NEK10: variants seen among roughly 807,000 people sequenced by gnomAD.
The protein encoded by NEK10 is NIMA related kinase 10.
A neutral mutation model predicts 159.8 loss-of-function variants in NEK10; 122 were observed. The observed-to-expected ratio is 0.76, with a 90% CI of 0.66 to 0.89. The LOEUF is 0.89. Among genes scored for constraint, NEK10 ranks in the 40% least tolerant of loss-of-function variants. NEK10 has a pLI of 0.00. For missense variants in NEK10, 1,342 were observed against 1,323.1 expected, an observed-to-expected ratio of 1.01 and a Z score of -0.22; for synonymous variants, 466 against 457.1, an observed-to-expected ratio of 1.02 and a Z score of -0.25.
intron 22 of NEK10, among the ~76,000 whole-genome samples, chr3:27,256,750 A>C (rs968077603): frequency 1.3e-5 from 2 of 152,204 alleles, no homozygotes; most frequent in Non-Finnish European, 2.9e-5. Context: ...ACTGGCATCA[A>C]CGTGTACTAA....
chr3:27,286,654 T>C (rs1020988661), intron 20 of NEK10, among the ~76,000 whole-genome samples: 1 of 145,768 alleles, frequency 6.9e-6, no homozygotes, highest in African/African-American at 2.6e-5. Context: ...CCTCCCAAAA[T>C]GCTAGGATCA....
intron 5 of NEK10, among the ~76,000 whole-genome samples, chr3:27,336,831 A>G (rs757411060): frequency 5.1e-4 from 77 of 152,206 alleles, no homozygotes; most frequent in Non-Finnish European, 8.4e-4. Flanking sequence ...CAAACTACGC[A>G]TAGAAGGAAC....
chr3:27,244,191 A>G (rs1243460941), intron 23 of NEK10, among the ~76,000 whole-genome samples: 1 of 152,348 alleles, frequency 6.6e-6, no homozygotes, highest in East Asian at 1.9e-4. Flanking sequence ...GCCTATTCAG[A>G]ATTGAACTGA....
intron 26 of NEK10, among the ~76,000 whole-genome samples, chr3:27,177,490 A>G (rs187674664): frequency 2.4e-3 from 363 of 152,166 alleles, no homozygotes; most frequent in African/African-American, 8.1e-3. Flanking sequence ...GCTTGCAGTG[A>G]GCCGAGATTG....
At chr3:27,351,822 T>C (rs1187897097) in intron 3 of NEK10, among the ~76,000 whole-genome samples, 2 of 152,080 alleles carry the variant, frequency 1.3e-5, no homozygotes, top group African/African-American at 2.4e-5. Context: ...ATTTTCATTA[T>C]TATTAGCATT....
At chr3:27,162,430 C>T (rs755286371) in intron 30 of NEK10, 1 of 1,607,202 alleles carries the variant, frequency 6.2e-7, no homozygotes, top group Non-Finnish European at 8.5e-7. Flanking sequence ...CCATTGTGTG[C>T]TTAACATCAA....
chr3:27,304,379 G>A (rs144562517), intron 12 of NEK10, among the ~76,000 whole-genome samples: 195 of 152,266 alleles, frequency 1.3e-3, no homozygotes, highest in African/African-American at 4.6e-3. Context: ...TACTTGGAAT[G>A]ACAAAATGCA....
At chr3:27,300,474 G>A (rs543247257) in intron 13 of NEK10, among the ~76,000 whole-genome samples, 88 of 152,126 alleles carry the variant, frequency 5.8e-4, no homozygotes, top group African/African-American at 1.9e-3. Context: ...TAGCAGCAGC[G>A]TGAAAATGGA....
At chr3:27,221,703 G>C (rs1952115123) in intron 23 of NEK10, among the ~76,000 whole-genome samples, 1 of 152,176 alleles carries the variant, frequency 6.6e-6, no homozygotes, top group Non-Finnish European at 1.5e-5. Context: ...ATCAGACTTG[G>C]TACACAGCTA....
chr3:27,166,579 C>T (rs1946502995), intron 29 of NEK10, among the ~76,000 whole-genome samples: 1 of 152,182 alleles, frequency 6.6e-6, no homozygotes, highest in African/African-American at 2.4e-5. Flanking sequence ...GAGGCAAGAT[C>T]CACAGGTCCT....
chr3:27,174,442 A>C lies in NEK10; in HGVS notation c.2773T>G (p.Phe925Val). Residue 925 changes from phenylalanine to valine, a missense_variant, in exon 28 of 36, where the codon TTC (phenylalanine) becomes GTC (valine). By Grantham distance (50) the Phe-to-Val change is conservative. Transcript: ENST00000691995. ...SSSSPLKEST[F>V]NILKRSFSAS... ...AAATTGATAACAGAAAGCTTACTGAATGTAGATTCTTTCAGAGGGCTTGAA... is the reference window on the plus strand; with the variant it reads ...AAATTGATAACAGAAAGCTTACTGACTGTAGATTCTTTCAGAGGGCTTGAA... 6.2e-7 allele frequency: 1 copy of C among 1,609,326 alleles called. No homozygotes were observed. The highest frequency in any genetic ancestry group is 1.1e-5 in the South Asian group (1 of 90,330).
At chr3:27,348,616 G>A (rs531712395) in intron 3 of NEK10, among the ~76,000 whole-genome samples, 1 of 152,070 alleles carries the variant, frequency 6.6e-6, no homozygotes, top group Non-Finnish European at 1.5e-5. Flanking sequence ...CTGATCTTGG[G>A]TCAGGGTGTG....
intron 23 of NEK10, among the ~76,000 whole-genome samples, chr3:27,208,029 G>A (rs1950669826): frequency 6.6e-6 from 1 of 152,106 alleles, no homozygotes; most frequent in Non-Finnish European, 1.5e-5. Context: ...ATTTTTGTGT[G>A]TATGCATGTA....
chr3:27,267,187 T>C (rs1009767999), intron 22 of NEK10, among the ~76,000 whole-genome samples: 4 of 152,210 alleles, frequency 2.6e-5, no homozygotes, highest in Non-Finnish European at 4.4e-5. Context: ...AGCTTTATCC[T>C]GCAGCATTTC....
chr3:27,240,376 C>T (rs550283256), intron 23 of NEK10, among the ~76,000 whole-genome samples: 1 of 151,906 alleles, frequency 6.6e-6, no homozygotes, highest in South Asian at 2.1e-4. Context: ...AGCCAAATAG[C>T]ACTAGCTTTT....
chr3:27,131,791 C>T (rs2078196888), intron 32 of NEK10, 89 bp downstream of exon 32: 1 of 603,142 alleles, frequency 1.7e-6, no homozygotes, highest in South Asian at 2.8e-5. Flanking sequence ...GAGGATAGAG[C>T]TTAAAGTACG....
intron 5 of NEK10, among the ~76,000 whole-genome samples, chr3:27,331,064 T>G (rs537368649): frequency 6.6e-6 from 1 of 151,748 alleles, no homozygotes; most frequent in South Asian, 2.1e-4. Context: ...GGCGAAACCC[T>G]GTCTCTACTA....
At position 27,201,306 on chromosome 3, in the gene NEK10, A is replaced by G. The variant is rs149516984; in HGVS notation, c.2291+204T>C. On this transcript the variant is annotated intron_variant, in intron 25 of 35. Transcript: ENST00000691995. The stretch of plus-strand genomic sequence containing the variant: ...AAATAATCGTTCTAGTGGTTGCATA[A>G]TAAGTGAACGCTCTACTTCCTCTTG... Among the ~76,000 whole-genome samples the G allele has an allele frequency of 3.0e-3, 461 of 152,308 alleles. 1 individual carries two copies. Among genetic ancestry groups the G allele is most frequent in the Non-Finnish European group, 5.1e-3 (347 of 68,036 alleles).
chr3:27,174,602 A>G lies in NEK10; in HGVS notation c.2689+48T>C, dbSNP rs574779397. The G allele has an allele frequency of 3.8e-6, 6 of 1,596,764 alleles. No homozygotes were observed. In the East Asian group the frequency reaches 1.3e-4, roughly 36 times the overall value. On this transcript the variant is annotated intron_variant, in intron 27 of 35. Coordinates refer to ENST00000691995, the MANE Select transcript of NEK10 (RefSeq NM_001394966.1). ...GAGTCCAGAATACATTCATGTTGAC[A>G]CACTGCCACTAGCAGTACCTACGTT...
Sources: gnomAD v4.1 joint callset for allele counts (sites outside exome capture counted in the v4.1 genomes callset) on GRCh38, gnomAD v4.1.1 for gene constraint, MANE v1.5 for transcripts, NCBI Gene and HGNC (gene_info 2026-07-23, HGNC 2026-07-21) for gene names.